FBP2: variants seen among roughly 807,000 people sequenced by gnomAD.
The protein encoded by FBP2 is fructose-bisphosphatase 2, also known as fructose-1,6-bisphosphatase isozyme 2.
A neutral mutation model predicts 31.6 loss-of-function variants in FBP2; 27 were observed. The ratio of observed to expected loss-of-function variants is 0.85; its 90% confidence interval spans 0.63 to 1.18. FBP2 has a LOEUF of 1.18. Ranked by LOEUF, FBP2 falls within the 50% of genes most tolerant of loss-of-function variation. The pLI is 0.00. For synonymous variants in FBP2, 168 were observed against 179.8 expected, an observed-to-expected ratio of 0.93 and a Z score of 0.53; for missense variants, 421 against 436.1, an observed-to-expected ratio of 0.97 and a Z score of 0.31.
intron 6 of FBP2, 149 bp downstream of exon 6, chr9:94,563,193 C>A (rs1323951024): frequency 3.5e-6 from 3 of 846,862 alleles, no homozygotes; most frequent in Non-Finnish European, 5.3e-6. Flanking sequence ...GAGACTCACT[C>A]AAGGGAAACA....
At chr9:94,582,845 GCC>G (rs1220266900) in intron 3 of FBP2, among the ~76,000 whole-genome samples, 1 of 136,802 alleles carries the variant, frequency 7.3e-6, no homozygotes, top group Admixed American at 7.5e-5. Flanking sequence ...ACCCTTCCCA[GCC>G]CCCTTTTTTT....
chr9:94,576,407 G>A (rs554824453), intron 3 of FBP2, among the ~76,000 whole-genome samples: 3 of 152,338 alleles, frequency 2.0e-5, no homozygotes, highest in African/African-American at 7.2e-5. Flanking sequence ...CAGGCAGTGA[G>A]CATGTGGACC....
chr9:94,586,947 G>A (rs770145469), intron 2 of FBP2: 5 of 169,526 alleles, frequency 2.9e-5, no homozygotes, highest in Non-Finnish European at 3.7e-5. Context: ...GGGGTGGAAT[G>A]AGAAGGCGGG....
At chr9:94,563,291 C>T (rs1827136241) in intron 6 of FBP2, 51 bp downstream of exon 6, 6 of 1,589,518 alleles carry the variant, frequency 3.8e-6, no homozygotes, top group Non-Finnish European at 5.2e-6. Flanking sequence ...CGGGAGGGAG[C>T]TCCCCCACCT....
intron 6 of FBP2, 40 bp from the exon 7 acceptor site, chr9:94,559,172 G>A (rs889979160): frequency 6.4e-7 from 1 of 1,573,868 alleles, no homozygotes; most frequent in Non-Finnish European, 8.7e-7. Flanking sequence ...CTCTGCAAGT[G>A]GCCAAATGTC....
intron 1 of FBP2, among the ~76,000 whole-genome samples, chr9:94,590,605 C>T (rs1760625445): frequency 1.3e-5 from 2 of 152,140 alleles, no homozygotes; most frequent in Admixed American, 6.5e-5. Flanking sequence ...TCACTGGGCT[C>T]AGAAGTGAAG....
intron 3 of FBP2, among the ~76,000 whole-genome samples, chr9:94,582,898 AG>A (rs1827388491): frequency 9.0e-6 from 1 of 110,976 alleles, no homozygotes; most frequent in African/African-American, 3.7e-5. Flanking sequence ...CTTGTTGCCC[AG>A]GCTGGAGTGC....
In FBP2 at chr9:94,571,635, T is replaced by C. The variant is rs1262050034; in HGVS notation, c.427-33A>G. ...AGAGAGGGATAAATGCCATGTGTTA[T>C]TGTTGTCTCTGGAGAGAACACTTTG... On this transcript the variant is annotated intron_variant, in intron 3 of 6. Coordinates refer to ENST00000375337, the MANE Select transcript of FBP2 (RefSeq NM_003837.4). The C allele has an allele frequency of 7.6e-6, 12 of 1,589,266 alleles. No homozygotes were observed. The South Asian group carries it at 1.0e-4, about 14-fold the overall frequency.
At chr9:94,565,992 AG>A (rs1372626070) in intron 5 of FBP2, among the ~76,000 whole-genome samples, 1 of 152,194 alleles carries the variant, frequency 6.6e-6, no homozygotes, top group African/African-American at 2.4e-5. Context: ...GTTCTGAGAA[AG>A]CCACAGTTTT....
chr9:94,568,757 CAT>C (rs1186180486), intron 4 of FBP2: 4 of 152,344 alleles, frequency 2.6e-5, no homozygotes, highest in African/African-American at 9.6e-5. Context: ...TCCTGCCTAA[CAT>C]GAGTGACAAC....
At chr9:94,559,654 G>A (rs771190313) in intron 6 of FBP2, among the ~76,000 whole-genome samples, 4 of 152,050 alleles carry the variant, frequency 2.6e-5, no homozygotes, top group African/African-American at 4.8e-5. Context: ...CTAGTTTGCC[G>A]GTGTTTCAAT....
intron 6 of FBP2, 53 bp from the exon 7 acceptor site, chr9:94,559,185 G>C (rs994627516): frequency 6.6e-7 from 1 of 1,517,248 alleles, no homozygotes; most frequent in Admixed American, 1.8e-5. Flanking sequence ...CAAATGTCCC[G>C]AGCCATGCCC....
At position 94,579,397 on chromosome 9, in the gene FBP2, CAAA is replaced by C. The variant is rs35098649; in HGVS notation, c.426+5177_426+5179del. On this transcript the variant is annotated intron_variant, in intron 3 of 6. Transcript: ENST00000375337. ...TGGGCGACAGAGTGAGACTCTGTCT[CAAA>C]AAAAAAAAAAAAAAAAAAAAGTTGT... Among the ~76,000 whole-genome samples, 69 of 66,750 alleles carry C rather than the reference CAAA, an allele frequency of 1.0e-3. 1 individual carries two copies. Among genetic ancestry groups the C allele is most frequent in the African/African-American group, 3.8e-3 (61 of 15,944 alleles). The allele number at this position is 66,750 out of a possible 152,430, so 43.8% of individuals were successfully genotyped here.
chr9:94,572,570 A>T (rs1827280916), intron 3 of FBP2, among the ~76,000 whole-genome samples: 1 of 152,166 alleles, frequency 6.6e-6, no homozygotes, highest in Admixed American at 6.5e-5. Flanking sequence ...ACACATTTTC[A>T]TTCACGGGCT....
At chr9:94,568,158 T>G (rs939297759) in intron 4 of FBP2, 2 of 151,986 alleles carry the variant, frequency 1.3e-5, no homozygotes, top group African/African-American at 2.4e-5. Context: ...GTACAGTTAT[T>G]TTGTTTATGT....
At chr9:94,559,204 G>A (rs1827056875) in intron 6 of FBP2, 72 bp from the exon 7 acceptor site, 3 of 1,394,414 alleles carry the variant, frequency 2.2e-6, no homozygotes, top group Admixed American at 4.0e-5. Context: ...CCCTAAAGCT[G>A]GGGGAGGAGT....
In FBP2 at chr9:94,593,773, C is replaced by G. The variant is rs1401171983; in HGVS notation, c.-47G>C. 1.2e-6 allele frequency: 2 copies of G among 1,603,842 alleles called. No homozygotes were observed. Among genetic ancestry groups the G allele is most frequent in the South Asian group, 2.2e-5 (2 of 89,308 alleles). On this transcript the variant is annotated 5_prime_UTR_variant, in exon 1 of 7. Coordinates refer to ENST00000375337, the MANE Select transcript of FBP2 (RefSeq NM_003837.4). ...CCTTTTCTCCCGGCAGGAAACCTTG[C>G]TTACTTCTGAGGGCTGCAGCTCCGC...
intron 4 of FBP2, 86 bp downstream of exon 4, chr9:94,571,376 C>T: frequency 7.4e-7 from 1 of 1,347,796 alleles, no homozygotes. Flanking sequence ...TTAGGAATAA[C>T]CAGGACATTA....
intron 3 of FBP2, among the ~76,000 whole-genome samples, chr9:94,582,543 G>C (rs1403812926): frequency 7.6e-6 from 1 of 131,946 alleles, no homozygotes. Context: ...ACCACTCTTG[G>C]CTAATTTTTT....
Sources: allele counts gnomAD v4.1 joint callset (sites outside exome capture counted in the v4.1 genomes callset), GRCh38; gene constraint gnomAD v4.1.1; transcripts MANE v1.5; gene names NCBI Gene and HGNC (gene_info 2026-07-23, HGNC 2026-07-21).